Variants in SIRPG observed in about 807,000 individuals in gnomAD.
SIRPG encodes the protein signal-regulatory protein gamma.
A neutral mutation model predicts 35.7 loss-of-function variants in SIRPG; 38 were observed. That is an observed-to-expected ratio of 1.06 (90% CI 0.82 to 1.40). The LOEUF is 1.40. SIRPG is among the 40% of genes most tolerant of loss of function. The pLI, the probability that SIRPG is intolerant of heterozygous loss-of-function variation, is 0.00. For synonymous variants in SIRPG, 215 were observed against 190.4 expected, an observed-to-expected ratio of 1.13 and a Z score of -1.06; for missense variants, 519 against 483.0, an observed-to-expected ratio of 1.07 and a Z score of -0.70.
the SIRPG span, among the ~76,000 whole-genome samples, chr20:1,677,292 C>T: frequency 6.6e-6 from 1 of 152,164 alleles, no homozygotes; most frequent in African/African-American, 2.4e-5. Context: ...CACTTTCTGG[C>T]CATATGGAGT....
At chr20:1,682,189 AAAG>A in the SIRPG span, among the ~76,000 whole-genome samples, 1 of 152,330 alleles carries the variant, frequency 6.6e-6, no homozygotes, top group African/African-American at 2.4e-5. Flanking sequence ...GAGAAGTAAA[AAAG>A]AAGAGAGAGT....
chr20:1,632,462 G>A (rs114620215), intron 4 of SIRPG, among the ~76,000 whole-genome samples: 2,090 of 152,226 alleles, frequency 0.014, 50 homozygotes, highest in African/African-American at 0.048. Context: ...TGCATTTCCA[G>A]CCTTAGTACC....
chr20:1,643,502 G>A (rs546737237), intron 2 of SIRPG, among the ~76,000 whole-genome samples: 8 of 152,164 alleles, frequency 5.3e-5, no homozygotes, highest in African/African-American at 1.7e-4. Context: ...GCTTCTTTGC[G>A]TTGGGTTAGA....
chr20:1,684,034 G>A, the SIRPG span, among the ~76,000 whole-genome samples: 7 of 151,992 alleles, frequency 4.6e-5, no homozygotes, highest in African/African-American at 1.7e-4. Flanking sequence ...GGTGTAGTTG[G>A]GAGATACTGG....
chr20:1,638,779 C>A (rs1206930423), intron 2 of SIRPG, among the ~76,000 whole-genome samples: 1 of 141,442 alleles, frequency 7.1e-6, no homozygotes, highest in African/African-American at 2.6e-5. Context: ...CACCCCCCCA[C>A]CCCTTGACTG....
the SIRPG span, chr20:1,676,728 T>C: frequency 5.2e-6 from 1 of 190,808 alleles, no homozygotes; most frequent in Non-Finnish European, 1.1e-5. Flanking sequence ...AGCCTTCTCT[T>C]GGACTGTAGA....
intron 2 of SIRPG, chr20:1,637,224 AT>A (rs2091810906): frequency 5.1e-6 from 1 of 195,842 alleles, no homozygotes; most frequent in Non-Finnish European, 1.1e-5. Flanking sequence ...TTGAAAGAAA[AT>A]GAAGTAGTTA....
upstream of SIRPG, among the ~76,000 whole-genome samples, chr20:1,658,649 A>T (rs67551872): frequency 0.14 from 21,434 of 152,150 alleles, 1,691 homozygotes; most frequent in Non-Finnish European, 0.16. Context: ...AACTGGGAAT[A>T]GTAAGTCTTT....
chr20:1,678,245 CTG>C, the SIRPG span, among the ~76,000 whole-genome samples: 488 of 89,524 alleles, frequency 5.5e-3, 3 homozygotes, highest in African/African-American at 0.015. Flanking sequence ...ATGTGATACA[CTG>C]TGGGCCCACC....
At chr20:1,630,837 T>G (rs1365371212) in intron 4 of SIRPG, 1 of 152,622 alleles carries the variant, frequency 6.6e-6, no homozygotes, top group East Asian at 1.9e-4. Context: ...ACAATGAGAG[T>G]TGCAGGTTCC....
At chr20:1,681,450 A>C in the SIRPG span, among the ~76,000 whole-genome samples, 1 of 152,178 alleles carries the variant, frequency 6.6e-6, no homozygotes, top group Non-Finnish European at 1.5e-5. Flanking sequence ...AGGGGGTGAT[A>C]AGAATCTCTA....
chr20:1,654,353 C>A (rs1293089265), intron 1 of SIRPG, among the ~76,000 whole-genome samples: 1 of 151,962 alleles, frequency 6.6e-6, no homozygotes, highest in African/African-American at 2.4e-5. Context: ...GATATATAGA[C>A]CAATGGATCA....
the SIRPG span, among the ~76,000 whole-genome samples, chr20:1,668,525 A>G: frequency 2.0e-5 from 3 of 151,804 alleles, no homozygotes; most frequent in African/African-American, 4.8e-5. Context: ...CGCATGATCC[A>G]ACCACCTCGG....
At chr20:1,652,781 A>G (rs2122566267) in intron 1 of SIRPG, among the ~76,000 whole-genome samples, 1 of 152,188 alleles carries the variant, frequency 6.6e-6, no homozygotes, top group East Asian at 1.9e-4. Context: ...TCATTCACCT[A>G]TTTATCATGT....
chr20:1,684,174 T>C, the SIRPG span, among the ~76,000 whole-genome samples: 4 of 152,120 alleles, frequency 2.6e-5, no homozygotes, highest in African/African-American at 9.7e-5. Context: ...GTTTATAAGT[T>C]CTCACCACAA....
the SIRPG span, among the ~76,000 whole-genome samples, chr20:1,675,845 T>C: frequency 6.6e-6 from 1 of 152,000 alleles, no homozygotes; most frequent in Non-Finnish European, 1.5e-5. Flanking sequence ...TGTGTAAAAT[T>C]AAATGAGCTC....
In SIRPG at chr20:1,635,477, C is replaced by T. The variant is rs141069067; in HGVS notation, c.871G>A (p.Val291Met). ...GTCGAGGCTGTTTCTCTCTGGCACA[C>T]GTTTCCATTCTCCGACCAGGTCAGC... is the stretch of plus-strand genomic sequence containing the variant. ...LQLTWSENGNVCQRETASTLT... is the reference protein window; with the variant it reads ...LQLTWSENGNMCQRETASTLT... Residue 291 changes from valine to methionine, a missense_variant, in exon 4 of 6, where the codon GTG (valine) becomes ATG (methionine). Coordinates refer to ENST00000303415, the MANE Select transcript of SIRPG (RefSeq NM_018556.4). The T allele has an allele frequency of 8.6e-5, 139 of 1,614,046 alleles. No homozygotes were observed. Among genetic ancestry groups the T allele is most frequent in the Non-Finnish European group, 1.1e-4 (127 of 1,180,010 alleles).
chr20:1,648,307 T>C (rs574293318), intron 2 of SIRPG: 23 of 152,356 alleles, frequency 1.5e-4, no homozygotes, highest in African/African-American at 5.5e-4. Flanking sequence ...TATGACTCAG[T>C]CCTTAAATCA....
chr20:1,649,613 G>A (rs2091924598), intron 1 of SIRPG, among the ~76,000 whole-genome samples: 1 of 144,646 alleles, frequency 6.9e-6, no homozygotes. Flanking sequence ...ACTGAGGCCT[G>A]AGGCACAGAG....
Sources: allele counts gnomAD v4.1 joint callset (sites outside exome capture counted in the v4.1 genomes callset), GRCh38; gene constraint gnomAD v4.1.1; transcripts MANE v1.5; gene names NCBI Gene and HGNC (gene_info 2026-07-23, HGNC 2026-07-21).